MYOCOS: variants seen among roughly 807,000 people sequenced by gnomAD.
The protein encoded by MYOCOS is myocilin opposite strand protein.
At chr1:171,623,040 G>A (rs1652604826) in intron 1 of MYOCOS, among the ~76,000 whole-genome samples, 1 of 152,066 alleles carries the variant, frequency 6.6e-6, no homozygotes, top group Non-Finnish European at 1.5e-5. Flanking sequence ...ACCAACCTGA[G>A]CAACATGGTG....
At chr1:171,624,435 A>AATTATTATT (rs72026900) in intron 2 of MYOCOS, among the ~76,000 whole-genome samples, 18,824 of 147,016 alleles carry the variant, frequency 0.13, 1,373 homozygotes, top group Middle Eastern at 0.29. Flanking sequence ...ACGTCTGGTT[A>AATTATTATT]ATTATTATTA....
chr1:171,601,347 G>A (rs1030153986), intron 1 of MYOCOS, among the ~76,000 whole-genome samples: 2 of 152,148 alleles, frequency 1.3e-5, no homozygotes, highest in Non-Finnish European at 2.9e-5. Context: ...TTTTGACTTG[G>A]CTTGAATTTT....
intron 1 of MYOCOS, among the ~76,000 whole-genome samples, chr1:171,622,945 AG>A (rs1652603243): frequency 6.6e-6 from 1 of 152,160 alleles, no homozygotes; most frequent in East Asian, 1.9e-4. Context: ...ATGAAGCAAA[AG>A]GGCCAGGCAT....
Position 171,605,397 on chromosome 1 carries a change from A to C in MYOCOS, c.-252+4317A>C, listed in dbSNP as rs1255197270. 5.6e-3 allele frequency among the ~76,000 whole-genome samples: 699 copies of C among 125,064 alleles called. 4 individuals are homozygous for C. The highest frequency in any genetic ancestry group is 0.023 in the African/African-American group (502 of 21,818). 82.0% of individuals were successfully genotyped at this position (125,064 alleles called of 152,430 possible). A position where few individuals can be genotyped will look rare whatever the true frequency, so the allele number is the denominator to read the frequency against. On this transcript the variant is annotated intron_variant, in intron 1 of 3. Transcript: ENST00000636697. ...ACCACACACACACACACACACACAA[A>C]AAAAAAAAAACAGTTACATGATAAA...
intron 1 of MYOCOS, among the ~76,000 whole-genome samples, chr1:171,622,908 G>A (rs1321577582): frequency 1.3e-5 from 2 of 152,172 alleles, no homozygotes; most frequent in Admixed American, 6.5e-5. Context: ...TACTTACCAT[G>A]TGGGTTTACG....
intron 2 of MYOCOS, among the ~76,000 whole-genome samples, chr1:171,626,056 C>G (rs1331577707): frequency 6.6e-6 from 1 of 152,062 alleles, no homozygotes; most frequent in South Asian, 2.1e-4. Context: ...TTTTTAGATG[C>G]TGGCATCTGG....
intron 2 of MYOCOS, 62 bp downstream of exon 2, chr1:171,624,040 C>A (rs1485705302): frequency 1.0e-5 from 4 of 398,382 alleles, no homozygotes; most frequent in African/African-American, 8.2e-5. Flanking sequence ...CACTGAGCCC[C>A]AGCAAGTGCC....
intron 1 of MYOCOS, among the ~76,000 whole-genome samples, chr1:171,606,969 C>G (rs1181233452): frequency 6.6e-6 from 1 of 151,908 alleles, no homozygotes; most frequent in Admixed American, 6.6e-5. Context: ...TGGCAGGTGC[C>G]TGTAATCCCA....
At chr1:171,624,608 T>TTG (rs66476869) in intron 2 of MYOCOS, among the ~76,000 whole-genome samples, 9 of 151,690 alleles carry the variant, frequency 5.9e-5, no homozygotes, top group Admixed American at 1.3e-4. Flanking sequence ...GGCTAATATT[T>TTG]TGTGTGTGTG....
chr1:171,620,170 C>T (rs990006993), upstream of MYOCOS, among the ~76,000 whole-genome samples: 1 of 150,856 alleles, frequency 6.6e-6, no homozygotes, highest in Admixed American at 6.6e-5. Context: ...ACAGGGCTTA[C>T]CTTCATTCCA....
At chr1:171,603,403 C>CA in intron 1 of MYOCOS, among the ~76,000 whole-genome samples, 1 of 152,104 alleles carries the variant, frequency 6.6e-6, no homozygotes, top group Non-Finnish European at 1.5e-5. Flanking sequence ...AGAGGAAAAA[C>CA]AAAAAATAAG....
chr1:171,604,830 G>A (rs949188461), intron 1 of MYOCOS, among the ~76,000 whole-genome samples: 2 of 152,116 alleles, frequency 1.3e-5, no homozygotes, highest in African/African-American at 4.8e-5. Context: ...ATCCTGTTTA[G>A]CTCCAAAAAG....
chr1:171,623,421 G>A (rs1324749034), intron 1 of MYOCOS, among the ~76,000 whole-genome samples: 1 of 152,088 alleles, frequency 6.6e-6, no homozygotes, highest in Admixed American at 6.6e-5. Context: ...ATGTCAGTGA[G>A]GTCAAACAGC....
At chr1:171,606,700 C>T (rs1325463303) in intron 1 of MYOCOS, among the ~76,000 whole-genome samples, 4 of 152,188 alleles carry the variant, frequency 2.6e-5, no homozygotes, top group African/African-American at 4.8e-5. Context: ...TTAAAAAGGA[C>T]AGAAATTGTG....
At position 171,601,380 on chromosome 1, in the gene MYOCOS, C is replaced by T. The variant is rs564954418; in HGVS notation, c.-252+300C>T. On this transcript the variant is annotated intron_variant, in intron 1 of 3. Coordinates refer to the MYOCOS transcript ENST00000636697. The stretch of plus-strand genomic sequence containing the variant: ...TTTTTGGTACACGGATTTTGAATTT[C>T]GTGATTTTGGTTTGGTATAAACAGT... Among the ~76,000 whole-genome samples, 7 of 151,850 alleles carry T rather than the reference C, an allele frequency of 4.6e-5. No individual in the cohort carries two copies. The East Asian group carries it at 1.4e-3, about 29-fold the overall frequency.
At chr1:171,601,584 A>C (rs569721669) in intron 1 of MYOCOS, among the ~76,000 whole-genome samples, 1 of 152,278 alleles carries the variant, frequency 6.6e-6, no homozygotes, top group East Asian at 1.9e-4. Flanking sequence ...TGGAGTCACT[A>C]TGACTCCAGG....
chr1:171,618,525 C>T (rs1652491184), upstream of MYOCOS, among the ~76,000 whole-genome samples: 1 of 152,072 alleles, frequency 6.6e-6, no homozygotes, highest in Non-Finnish European at 1.5e-5. Flanking sequence ...TGAGGGTCAC[C>T]CATCCTATTC....
chr1:171,623,729 A>C (rs235854), intron 1 of MYOCOS, 112 bp from the exon 2 acceptor site: 192,725 of 395,758 alleles, frequency 0.49, 47,459 homozygotes, highest in East Asian at 0.58. Flanking sequence ...AGGGAGGACC[A>C]ACTGAGAGTA....
chr1:171,618,701 G>T (rs894341836), upstream of MYOCOS, among the ~76,000 whole-genome samples: 1 of 152,104 alleles, frequency 6.6e-6, no homozygotes, highest in Non-Finnish European at 1.5e-5. Flanking sequence ...TCTGCCTCCC[G>T]AGTAGCTGGG....
Sources: allele counts gnomAD v4.1 joint callset (sites outside exome capture counted in the v4.1 genomes callset), GRCh38; gene constraint gnomAD v4.1.1; transcripts MANE v1.5; gene names NCBI Gene and HGNC (gene_info 2026-07-23, HGNC 2026-07-21).